KSR1: variants seen among roughly 807,000 people sequenced by gnomAD.
KSR1 encodes kinase suppressor of ras 1, also known as kinase suppressor of ras.
Under a neutral mutation model 92.9 loss-of-function variants are expected in KSR1, and 35 were observed. The observed-to-expected ratio is 0.38, with a 90% CI of 0.29 to 0.50. The LOEUF (loss-of-function observed/expected upper bound fraction) is 0.50. KSR1 is among the 20% of genes least tolerant of loss of function. The pLI is 0.94. For missense variants in KSR1, 972 were observed against 1,158.5 expected, an observed-to-expected ratio of 0.84 and a Z score of 2.34; for synonymous variants, 467 against 472.6, an observed-to-expected ratio of 0.99 and a Z score of 0.15.
intron 1 of KSR1, among the ~76,000 whole-genome samples, chr17:27,541,245 AG>A: frequency 6.6e-6 from 1 of 152,354 alleles, no homozygotes; most frequent in Middle Eastern, 3.4e-3. Flanking sequence ...CACCTGCCAC[AG>A]GAGGACTAAA....
chr17:27,531,437 T>C (rs1296071536), intron 1 of KSR1, among the ~76,000 whole-genome samples: 1 of 152,226 alleles, frequency 6.6e-6, no homozygotes, highest in Non-Finnish European at 1.5e-5. Flanking sequence ...GGGGTGGCCC[T>C]GGTCACATGT....
chr17:27,567,240 C>A (rs1403034328), intron 2 of KSR1, among the ~76,000 whole-genome samples: 2 of 151,994 alleles, frequency 1.3e-5, no homozygotes, highest in African/African-American at 4.8e-5. Context: ...AGGACCTGGG[C>A]GTTAGGGTGT....
At chr17:27,618,518 G>A (rs963754381) in intron 19 of KSR1, among the ~76,000 whole-genome samples, 1 of 152,198 alleles carries the variant, frequency 6.6e-6, no homozygotes, top group Non-Finnish European at 1.5e-5. Context: ...GGCATTGCAG[G>A]CCAAGAGGGC....
At chr17:27,536,349 G>A (rs554454034) in intron 1 of KSR1, among the ~76,000 whole-genome samples, 4 of 152,342 alleles carry the variant, frequency 2.6e-5, no homozygotes, top group African/African-American at 9.6e-5. Flanking sequence ...AGCAAGAAGG[G>A]AAGTCATGTC....
chr17:27,473,715 C>G (rs923450675), intron 1 of KSR1, among the ~76,000 whole-genome samples: 2 of 152,082 alleles, frequency 1.3e-5, no homozygotes, highest in South Asian at 4.2e-4. Context: ...AAGAAGGTGA[C>G]GAGTCCCTGG....
At chr17:27,598,924 T>C (rs1232067517) in intron 10 of KSR1, among the ~76,000 whole-genome samples, 1 of 152,116 alleles carries the variant, frequency 6.6e-6, no homozygotes, top group Non-Finnish European at 1.5e-5. Flanking sequence ...CCTCCTATCG[T>C]CCCCTGCTCT....
chr17:27,584,176 C>G (rs750558297), intron 4 of KSR1, among the ~76,000 whole-genome samples: 22 of 152,160 alleles, frequency 1.4e-4, no homozygotes, highest in Non-Finnish European at 2.4e-4. Context: ...TGGTTTCTCT[C>G]CTCGGCATGG....
chr17:27,497,768 A>G (rs946081320), intron 1 of KSR1, among the ~76,000 whole-genome samples: 9 of 152,352 alleles, frequency 5.9e-5, no homozygotes, highest in African/African-American at 2.2e-4. Context: ...TGAACAGCCC[A>G]TGTTTGAGAA....
chr17:27,525,614 A>G (rs2070227620), intron 1 of KSR1, among the ~76,000 whole-genome samples: 1 of 152,218 alleles, frequency 6.6e-6, no homozygotes. Context: ...AGGAGAGGAT[A>G]CAGCTCTCCA....
At chr17:27,550,731 TAGGGA>T (rs760985630) in intron 2 of KSR1, 23 bp downstream of exon 2, 1 of 759,580 alleles carries the variant, frequency 1.3e-6, no homozygotes, top group Non-Finnish European at 2.4e-6. Flanking sequence ...GTTCTCAGCA[TAGGGA>T]TAGGCATGAG....
chr17:27,604,493 G>T (rs896707637), intron 12 of KSR1, among the ~76,000 whole-genome samples, 187 bp from the exon 13 acceptor site: 2 of 152,186 alleles, frequency 1.3e-5, no homozygotes, highest in African/African-American at 4.8e-5. Flanking sequence ...GAAGGCTGAG[G>T]CTGCACAAGG....
At chr17:27,532,096 A>G (rs987690348) in intron 1 of KSR1, among the ~76,000 whole-genome samples, 3 of 152,086 alleles carry the variant, frequency 2.0e-5, no homozygotes, top group Admixed American at 2.0e-4. Context: ...TTTTTCATCT[A>G]TTTCTGTGAG....
chr17:27,592,717 T>C, intron 9 of KSR1, 91 bp downstream of exon 9: 1 of 1,030,264 alleles, frequency 9.7e-7, no homozygotes, highest in African/African-American at 1.6e-5. Context: ...GTGGGGAAGT[T>C]TGGCATGACA....
chr17:27,501,575 G>A (rs1214023767), intron 1 of KSR1, among the ~76,000 whole-genome samples: 1 of 152,164 alleles, frequency 6.6e-6, no homozygotes, highest in Non-Finnish European at 1.5e-5. Context: ...TGTAGCCTCA[G>A]AGCATGATGC....
chr17:27,606,203 C>G (rs890293554), intron 14 of KSR1, among the ~76,000 whole-genome samples: 7 of 152,162 alleles, frequency 4.6e-5, no homozygotes, highest in African/African-American at 1.7e-4. Context: ...CGCTTGAGCC[C>G]AGGAGGTCAA....
chr17:27,596,083 C>T (rs766879488), intron 9 of KSR1, among the ~76,000 whole-genome samples: 4 of 152,210 alleles, frequency 2.6e-5, no homozygotes, highest in Non-Finnish European at 4.4e-5. Flanking sequence ...ACTTATAACA[C>T]TTCATTTTTA....
At chr17:27,512,827 T>C (rs980371789) in intron 1 of KSR1, among the ~76,000 whole-genome samples, 9 of 152,210 alleles carry the variant, frequency 5.9e-5, no homozygotes, top group Admixed American at 3.3e-4. Context: ...TAAAATATTA[T>C]ACAGACTCAG....
intron 18 of KSR1, among the ~76,000 whole-genome samples, chr17:27,615,096 G>T (rs1300462352): frequency 6.6e-6 from 1 of 152,140 alleles, no homozygotes; most frequent in African/African-American, 2.4e-5. Flanking sequence ...AGACCAGAGG[G>T]TTCTTAATGA....
At chr17:27,550,895 C>T (rs1349639780) in intron 2 of KSR1, among the ~76,000 whole-genome samples, 187 bp downstream of exon 2, 2 of 152,196 alleles carry the variant, frequency 1.3e-5, no homozygotes, top group Non-Finnish European at 1.5e-5. Context: ...CCAACAAGTG[C>T]CCTGGATGCT....
Sources: allele counts gnomAD v4.1 joint callset (sites outside exome capture counted in the v4.1 genomes callset), GRCh38; gene constraint gnomAD v4.1.1; transcripts MANE v1.5; gene names NCBI Gene and HGNC (gene_info 2026-07-23, HGNC 2026-07-21).